PLIN3: variants seen among roughly 807,000 people sequenced by gnomAD.
The protein encoded by PLIN3 is perilipin-3.
A neutral mutation model predicts 35.9 loss-of-function variants in PLIN3; 30 were observed. That is an observed-to-expected ratio of 0.84 (90% CI 0.62 to 1.13). The LOEUF (loss-of-function observed/expected upper bound fraction) is 1.13, where lower values mean the gene tolerates loss of function less well. PLIN3 is among the 50% of genes most tolerant of loss of function. The pLI is 0.00. For synonymous variants in PLIN3, 261 were observed against 262.5 expected, an observed-to-expected ratio of 0.99 and a Z score of 0.06; for missense variants, 603 against 596.9, an observed-to-expected ratio of 1.01 and a Z score of -0.11.
intron 4 of PLIN3, among the ~76,000 whole-genome samples, chr19:4,855,688 G>T (rs945947543): frequency 6.6e-6 from 1 of 152,014 alleles, no homozygotes; most frequent in African/African-American, 2.4e-5. Flanking sequence ...GATTACAGGC[G>T]TGAGCCACCG....
intron 2 of PLIN3, among the ~76,000 whole-genome samples, chr19:4,860,775 A>G (rs2030648370): frequency 6.6e-6 from 1 of 151,806 alleles, no homozygotes; most frequent in African/African-American, 2.4e-5. Flanking sequence ...GTTTGAGACT[A>G]GCCTGGCCAA....
At chr19:4,842,591 C>T (rs2029929130) in intron 7 of PLIN3, among the ~76,000 whole-genome samples, 1 of 104,980 alleles carries the variant, frequency 9.5e-6, no homozygotes, top group African/African-American at 3.9e-5. Flanking sequence ...CAGAGTGAGA[C>T]TCTATCTCAA....
intron 1 of PLIN3, among the ~76,000 whole-genome samples, chr19:4,862,297 A>AT (rs1465434998): frequency 6.6e-6 from 1 of 151,470 alleles, no homozygotes; most frequent in African/African-American, 2.4e-5. Flanking sequence ...CACCTGGCCA[A>AT]TTTTTTGTAT....
chr19:4,840,290 A>C (rs2146193631), intron 7 of PLIN3, among the ~76,000 whole-genome samples: 1 of 150,906 alleles, frequency 6.6e-6, no homozygotes, highest in East Asian at 2.0e-4. Flanking sequence ...TAGAAACAGG[A>C]TCTCACTTTG....
Position 4,852,049 on chromosome 19 carries a change from C to T in PLIN3, c.601G>A (p.Asp201Asn), listed in dbSNP as rs200162348. Reference sequence around the variant, plus strand: ...GCATCCGTAAGGGGCAGGTGGTTGTCCGCCCACTCCTCCGACTTCCCCAGC... The same window carrying T: ...GCATCCGTAAGGGGCAGGTGGTTGTTCGCCCACTCCTCCGACTTCCCCAGC... ...TVLGKSEEWA[D>N]NHLPLTDAEL... is the part of the protein sequence containing the mutation. Residue 201 changes from aspartate to asparagine, a missense_variant, in exon 5 of 8, where the codon GAC becomes AAC. Asp to Asn is a conservative substitution (Grantham distance 23). Transcript: ENST00000221957. 399 of 1,613,784 alleles carry T rather than the reference C, an allele frequency of 2.5e-4. No homozygotes were observed. The highest frequency in any genetic ancestry group is 2.8e-4 in the Non-Finnish European group (332 of 1,179,972).
intron 7 of PLIN3, among the ~76,000 whole-genome samples, chr19:4,840,542 T>C (rs2029877386): frequency 6.6e-6 from 1 of 152,176 alleles, no homozygotes; most frequent in Non-Finnish European, 1.5e-5. Context: ...CACGAGCCAC[T>C]GCATTTGGCC....
chr19:4,840,412 G>A (rs113616390), intron 7 of PLIN3, among the ~76,000 whole-genome samples: 3,040 of 151,898 alleles, frequency 0.02, 83 homozygotes, highest in African/African-American at 0.064. Context: ...TCACTACCAC[G>A]CCCAGCTACA....
In PLIN3 at chr19:4,840,128, C is replaced by T. The variant is rs558542914; in HGVS notation, c.961-592G>A. On this transcript the variant is annotated intron_variant, in intron 7 of 7. Transcript: ENST00000221957. ...GACTACAGGCGCGTGCCACCACGCCCGTCTAACTTTTGCATTTTTAGTACA... is the reference window on the plus strand; with the variant it reads ...GACTACAGGCGCGTGCCACCACGCCTGTCTAACTTTTGCATTTTTAGTACA... Among the ~76,000 whole-genome samples the T allele has an allele frequency of 2.0e-5, 3 of 151,684 alleles. No individual in the cohort carries two copies. The South Asian group carries it at 6.2e-4, about 32-fold the overall frequency.
intron 7 of PLIN3, 90 bp downstream of exon 7, chr19:4,844,578 C>G: frequency 7.5e-7 from 1 of 1,339,236 alleles, no homozygotes; most frequent in Non-Finnish European, 9.9e-7. Context: ...GGAAATCATT[C>G]GAAGCAGGTA....
intron 4 of PLIN3, among the ~76,000 whole-genome samples, chr19:4,856,813 C>T (rs868172624): frequency 5.3e-5 from 8 of 150,680 alleles, no homozygotes; most frequent in African/African-American, 1.9e-4. Flanking sequence ...TCAAGTGATA[C>T]TCGTGCCTCA....
intron 7 of PLIN3, among the ~76,000 whole-genome samples, chr19:4,843,600 A>G (rs7245961): frequency 0.64 from 97,382 of 151,838 alleles, 31,603 homozygotes; most frequent in African/African-American, 0.7. Flanking sequence ...GGAAGGCTGA[A>G]GTGGGAGTAT....
chr19:4,863,366 G>A (rs971263824), intron 1 of PLIN3, among the ~76,000 whole-genome samples: 2 of 150,768 alleles, frequency 1.3e-5, no homozygotes, highest in Admixed American at 6.7e-5. Context: ...GCATGGTGGC[G>A]AATGCCTGTA....
chr19:4,847,304 C>T (rs1404899485), intron 6 of PLIN3, among the ~76,000 whole-genome samples: 1 of 151,990 alleles, frequency 6.6e-6, no homozygotes, highest in Non-Finnish European at 1.5e-5. Flanking sequence ...ATCGTCCCAC[C>T]TCAGCCTCCC....
intron 5 of PLIN3, among the ~76,000 whole-genome samples, chr19:4,848,248 T>C (rs769173548): frequency 1.3e-5 from 2 of 152,176 alleles, no homozygotes; most frequent in Non-Finnish European, 2.9e-5. Flanking sequence ...CCTCCAAAAG[T>C]GCTGTGATTA....
intron 1 of PLIN3, among the ~76,000 whole-genome samples, chr19:4,865,941 T>A (rs2146220815): frequency 6.6e-6 from 1 of 151,210 alleles, no homozygotes; most frequent in African/African-American, 2.4e-5. Flanking sequence ...GCCAGGATCG[T>A]CTCGATCTCC....
Position 4,865,684 on chromosome 19 carries a change from A to G in PLIN3, c.-18+1925T>C, listed in dbSNP as rs141675980. On this transcript the variant is annotated intron_variant, in intron 1 of 7. Transcript: ENST00000221957. The stretch of plus-strand genomic sequence containing the variant: ...AGCAAAATGATGATGTTTTGCAAGC[A>G]CTAGATCTGGAGTCCAGATTGGGTT... Among the ~76,000 whole-genome samples, 455 of 150,374 alleles carry G rather than the reference A, an allele frequency of 3.0e-3. 3 individuals carry two copies. Among genetic ancestry groups the G allele is most frequent in the African/African-American group, 0.011 (438 of 40,962 alleles).
At chr19:4,863,705 G>A (rs1430426440) in intron 1 of PLIN3, among the ~76,000 whole-genome samples, 1 of 151,252 alleles carries the variant, frequency 6.6e-6, no homozygotes, top group East Asian at 2.0e-4. Context: ...TCCATGTTTA[G>A]TTATCCCAGC....
intron 5 of PLIN3, 45 bp downstream of exon 5, chr19:4,851,971 G>C (rs1226632430): frequency 1.3e-6 from 2 of 1,580,670 alleles, no homozygotes; most frequent in East Asian, 2.3e-5. Flanking sequence ...TTCCGGTCAG[G>C]GGGCCTGGGG....
At chr19:4,856,381 A>G (rs12150952) in intron 4 of PLIN3, among the ~76,000 whole-genome samples, 26,150 of 151,880 alleles carry the variant, frequency 0.17, 2,702 homozygotes, top group East Asian at 0.31. Context: ...CAACATGGAG[A>G]AACCCCATCT....
Sources: allele counts gnomAD v4.1 joint callset (sites outside exome capture counted in the v4.1 genomes callset), GRCh38; gene constraint gnomAD v4.1.1; transcripts MANE v1.5; gene names NCBI Gene and HGNC (gene_info 2026-07-23, HGNC 2026-07-21).